Variants in ADAMTS12 observed in about 807,000 individuals in gnomAD.
ADAMTS12 encodes the protein ADAM metallopeptidase with thrombospondin type 1 motif 12, also known as A disintegrin and metalloproteinase with thrombospondin motifs 12.
A neutral mutation model predicts 167.8 loss-of-function variants in ADAMTS12; 118 were observed. The ratio of observed to expected loss-of-function variants is 0.70; its 90% CI spans 0.61 to 0.82. The LOEUF is 0.82. Ranked by LOEUF, ADAMTS12 falls within the 40% of genes least tolerant of loss-of-function variation. The pLI is 0.00. For synonymous variants in ADAMTS12, 704 were observed against 716.9 expected (o/e 0.98, Z 0.29); for missense variants, 1,916 against 1,998.8 (o/e 0.96, Z 0.79).
chr5:33,833,254 T>C (rs965465354), intron 2 of ADAMTS12, among the ~76,000 whole-genome samples: 5 of 152,218 alleles, frequency 3.3e-5, no homozygotes, highest in Admixed American at 2.0e-4. Flanking sequence ...GTATTTGCTT[T>C]TTTAGTTTGT....
intron 2 of ADAMTS12, among the ~76,000 whole-genome samples, chr5:33,820,838 G>A (rs1747842415): frequency 6.6e-6 from 1 of 152,130 alleles, no homozygotes; most frequent in African/African-American, 2.4e-5. Flanking sequence ...GGATGGAGCT[G>A]GAGGCTGTTA....
chr5:33,733,135 T>C (rs1744248194), intron 3 of ADAMTS12, among the ~76,000 whole-genome samples: 1 of 152,066 alleles, frequency 6.6e-6, no homozygotes, highest in Non-Finnish European at 1.5e-5. Flanking sequence ...TGTGTGATTA[T>C]GAGTGACTTT....
chr5:33,884,837 A>G (rs1043158182), intron 1 of ADAMTS12, among the ~76,000 whole-genome samples: 1 of 152,248 alleles, frequency 6.6e-6, no homozygotes, highest in African/African-American at 2.4e-5. Context: ...CCTGTTATAC[A>G]TGCAAGTTTC....
At chr5:33,581,389 G>C (rs548459772) in intron 18 of ADAMTS12, among the ~76,000 whole-genome samples, 2 of 152,110 alleles carry the variant, frequency 1.3e-5, no homozygotes, top group Non-Finnish European at 1.5e-5. Context: ...GCCTCTTGTC[G>C]GGGAACCCAC....
intron 5 of ADAMTS12, among the ~76,000 whole-genome samples, chr5:33,676,347 G>C (rs1376437159): frequency 6.6e-6 from 1 of 152,130 alleles, no homozygotes; most frequent in Non-Finnish European, 1.5e-5. Context: ...CCATGCTCTG[G>C]TAGTCAGGCT....
chr5:33,844,315 G>A lies in ADAMTS12; in HGVS notation c.489+36804C>T, dbSNP rs544600646. Among the ~76,000 whole-genome samples the A allele has an allele frequency of 5.5e-4, 84 of 152,268 alleles. 1 individual carries two copies. The highest frequency in any genetic ancestry group is 1.9e-3 in the African/African-American group (77 of 41,548). The stretch of plus-strand genomic sequence containing the variant: ...AACTCTGACTGCCGGTGAGCCAGGC[G>A]GAACAGAGCCATATTTCTCTTCTTT... On this transcript the variant is annotated intron_variant, in intron 2 of 23. Coordinates refer to ENST00000504830, the MANE Select transcript of ADAMTS12 (RefSeq NM_030955.4).
intron 2 of ADAMTS12, among the ~76,000 whole-genome samples, chr5:33,872,612 C>T (rs564208991): frequency 9.2e-5 from 14 of 151,552 alleles, no homozygotes; most frequent in African/African-American, 2.9e-4. Flanking sequence ...TAAACAGAGA[C>T]GCAAAACCCC....
intron 5 of ADAMTS12, among the ~76,000 whole-genome samples, chr5:33,676,512 G>A (rs1349559087): frequency 1.3e-5 from 2 of 149,364 alleles, no homozygotes; most frequent in Admixed American, 6.6e-5. Context: ...GCAACGTAGT[G>A]AGACCCCATC....
At chr5:33,582,238 C>T (rs1747100366) in intron 18 of ADAMTS12, among the ~76,000 whole-genome samples, 2 of 152,156 alleles carry the variant, frequency 1.3e-5, no homozygotes, top group African/African-American at 2.4e-5. Context: ...AACAGAGGTG[C>T]CCATATCTGT....
chr5:33,780,350 CTTTTT>C (rs35788048), intron 2 of ADAMTS12, among the ~76,000 whole-genome samples: 1 of 151,408 alleles, frequency 6.6e-6, no homozygotes, highest in Non-Finnish European at 1.5e-5. Flanking sequence ...TCATGAAAGA[CTTTTT>C]TTTTGACACT....
At chr5:33,546,263 TG>T (rs1744980067) in intron 21 of ADAMTS12, 61 bp from the exon 22 acceptor site, 1 of 1,504,842 alleles carries the variant, frequency 6.6e-7, no homozygotes, top group African/African-American at 1.4e-5. Flanking sequence ...TAATGATAAG[TG>T]AAGAACTTCG....
intron 9 of ADAMTS12, among the ~76,000 whole-genome samples, chr5:33,648,198 A>C (rs1042721233): frequency 6.6e-6 from 1 of 152,228 alleles, no homozygotes; most frequent in African/African-American, 2.4e-5. Flanking sequence ...GGACCCTAAC[A>C]GCAGAGTAGA....
intron 2 of ADAMTS12, among the ~76,000 whole-genome samples, chr5:33,764,970 C>T (rs1244379577): frequency 6.6e-6 from 1 of 152,026 alleles, no homozygotes; most frequent in East Asian, 1.9e-4. Context: ...CACACCAAAA[C>T]CAACCCACTA....
chr5:33,576,982 T>C lies in ADAMTS12; in HGVS notation c.3044A>G (p.Asn1015Ser). Residue 1015 changes from asparagine to serine, a missense_variant, in exon 19 of 24, where the codon AAC (asparagine) becomes AGC (serine). Physicochemically the swap from Asn to Ser is conservative, Grantham distance 46. Coordinates refer to ENST00000504830, the MANE Select transcript of ADAMTS12 (RefSeq NM_030955.4). ...PNKGTISNGK[N>S]PPTLKPVPPP... ...AGGGACGGGCTTTAGTGTTGGTGGG[T>C]TTTTTCCATTGGAAATAGTGCCTTT... is the stretch of plus-strand genomic sequence containing the variant. 6.2e-7 allele frequency: 1 copy of C among 1,614,140 alleles called. No homozygotes were observed. Among genetic ancestry groups the C allele is most frequent in the East Asian group, 2.2e-5 (1 of 44,880 alleles).
chr5:33,805,820 C>T (rs1360828659), intron 2 of ADAMTS12, among the ~76,000 whole-genome samples: 2 of 151,164 alleles, frequency 1.3e-5, no homozygotes, highest in Admixed American at 1.3e-4. Context: ...CCCAGGAGTT[C>T]GAGGTTACAG....
intron 18 of ADAMTS12, among the ~76,000 whole-genome samples, chr5:33,582,701 G>T (rs1437080005): frequency 6.6e-6 from 1 of 152,198 alleles, no homozygotes; most frequent in East Asian, 1.9e-4. Flanking sequence ...GCCAGTTAAA[G>T]ATCTTCCTAG....
chr5:33,542,599 A>G (rs368704), intron 22 of ADAMTS12, among the ~76,000 whole-genome samples: 67,164 of 151,998 alleles, frequency 0.44, 16,402 homozygotes, highest in East Asian at 0.76. Context: ...CTAAAATTGA[A>G]CACATAATTG....
intron 2 of ADAMTS12, among the ~76,000 whole-genome samples, chr5:33,844,444 T>C (rs889015060): frequency 4.6e-5 from 7 of 152,168 alleles, no homozygotes; most frequent in Non-Finnish European, 7.4e-5. Flanking sequence ...ATGGCCCCTT[T>C]GGGTATGGCC....
At chr5:33,604,644 C>T (rs1738350218) in intron 16 of ADAMTS12, among the ~76,000 whole-genome samples, 1 of 151,888 alleles carries the variant, frequency 6.6e-6, no homozygotes. Context: ...CTCAGCCGAC[C>T]TACCTGCTGG....
Sources: allele counts gnomAD v4.1 joint callset (sites outside exome capture counted in the v4.1 genomes callset), GRCh38; gene constraint gnomAD v4.1.1; transcripts MANE v1.5; gene names NCBI Gene and HGNC (gene_info 2026-07-23, HGNC 2026-07-21).